DLC1: variants seen among roughly 807,000 people sequenced by gnomAD.
The protein encoded by DLC1 is DLC1 Rho GTPase activating protein.
DLC1 carries 54 observed loss-of-function variants against 140.3 expected under a neutral mutation model. The observed-to-expected ratio is 0.38, with a 90% CI of 0.31 to 0.48. The LOEUF (loss-of-function observed/expected upper bound fraction) is 0.48, where lower values mean the gene tolerates loss of function less well. Among genes scored for constraint, DLC1 ranks in the 20% least tolerant of loss-of-function variants. The pLI is 0.96. For synonymous variants in DLC1, 986 were observed against 728.1 expected (o/e 1.35, Z -5.70); for missense variants, 2,536 against 1,907.0 (o/e 1.33, Z -6.14).
At chr8:13,253,988 C>T (rs1370410944) in intron 5 of DLC1, among the ~76,000 whole-genome samples, 2 of 152,122 alleles carry the variant, frequency 1.3e-5, no homozygotes, top group African/African-American at 2.4e-5. Context: ...AATGTGGTCT[C>T]TTTTAATTGG....
intron 4 of DLC1, among the ~76,000 whole-genome samples, chr8:13,372,017 G>A (rs758538420): frequency 2.0e-5 from 3 of 152,158 alleles, no homozygotes; most frequent in Non-Finnish European, 4.4e-5. Context: ...TCTTGAAAAT[G>A]CATTCACCAA....
chr8:13,447,196 T>G (rs1306193294), intron 2 of DLC1, among the ~76,000 whole-genome samples: 1 of 152,246 alleles, frequency 6.6e-6, no homozygotes, highest in Non-Finnish European at 1.5e-5. Context: ...ATATAGTTAA[T>G]TTTTCTATGG....
intron 1 of DLC1, among the ~76,000 whole-genome samples, chr8:13,545,003 C>T (rs1237473255): frequency 1.3e-5 from 2 of 152,154 alleles, no homozygotes; most frequent in Non-Finnish European, 2.9e-5. Context: ...TGCAGTACTG[C>T]AGCCCTGTCC....
At chr8:13,104,160 A>T (rs905422973) in intron 7 of DLC1, among the ~76,000 whole-genome samples, 2 of 152,146 alleles carry the variant, frequency 1.3e-5, no homozygotes, top group Admixed American at 1.3e-4. Context: ...GCAAATGATC[A>T]TTTAAAGAAT....
intron 1 of DLC1, among the ~76,000 whole-genome samples, chr8:13,501,090 C>G (rs1289093157): frequency 6.6e-6 from 1 of 152,066 alleles, no homozygotes; most frequent in Non-Finnish European, 1.5e-5. Context: ...ATATTTTATG[C>G]AAGAATTCAA....
intron 7 of DLC1, among the ~76,000 whole-genome samples, chr8:13,110,170 G>C (rs1040616140): frequency 5.3e-5 from 8 of 152,034 alleles, no homozygotes; most frequent in Non-Finnish European, 1.0e-4. Flanking sequence ...AAACCTATAA[G>C]CTGCCTCTCA....
chr8:13,102,946 G>C, intron 7 of DLC1, 93 bp from the exon 8 acceptor site: 4 of 1,101,116 alleles, frequency 3.6e-6, no homozygotes, highest in Non-Finnish European at 5.4e-6. Context: ...TATATTTAAG[G>C]AGTTTCTTGA....
intron 5 of DLC1, among the ~76,000 whole-genome samples, chr8:13,242,624 C>G (rs1829589326): frequency 6.6e-6 from 1 of 152,062 alleles, no homozygotes; most frequent in African/African-American, 2.4e-5. Context: ...AACTCCTGGG[C>G]TCAAGCGATT....
intron 5 of DLC1, among the ~76,000 whole-genome samples, chr8:13,118,276 C>G (rs1489414120): frequency 6.6e-6 from 1 of 152,144 alleles, no homozygotes; most frequent in African/African-American, 2.4e-5. Context: ...CTTAGGGCCA[C>G]TTAGTTAGAA....
intron 4 of DLC1, among the ~76,000 whole-genome samples, chr8:13,374,262 G>A (rs1835861253): frequency 1.3e-5 from 2 of 152,034 alleles, no homozygotes. Context: ...CTTATCTTCT[G>A]ACAAAGGAGG....
At chr8:13,229,143 G>A (rs1389675116) in intron 5 of DLC1, among the ~76,000 whole-genome samples, 1 of 152,118 alleles carries the variant, frequency 6.6e-6, no homozygotes, top group Non-Finnish European at 1.5e-5. Context: ...GTTCATAGCA[G>A]CTTTCTTCAT....
chr8:13,180,527 T>G (rs911502784), intron 5 of DLC1, among the ~76,000 whole-genome samples: 3 of 152,152 alleles, frequency 2.0e-5, no homozygotes, highest in African/African-American at 7.2e-5. Context: ...AAGAAGCCAA[T>G]GTACAATAGA....
chr8:13,175,839 G>T (rs1208704279), intron 5 of DLC1, among the ~76,000 whole-genome samples: 2 of 152,144 alleles, frequency 1.3e-5, no homozygotes, highest in Non-Finnish European at 2.9e-5. Flanking sequence ...TCTCACCAAA[G>T]TGGAACTCCC....
intron 5 of DLC1, among the ~76,000 whole-genome samples, chr8:13,142,521 T>C (rs1823079860): frequency 6.6e-6 from 1 of 152,172 alleles, no homozygotes; most frequent in South Asian, 2.1e-4. Context: ...AATAAAAATC[T>C]AGCTATATAG....
intron 2 of DLC1, among the ~76,000 whole-genome samples, chr8:13,474,456 G>A (rs1355162745): frequency 6.6e-6 from 1 of 152,188 alleles, no homozygotes; most frequent in African/African-American, 2.4e-5. Context: ...GAACCCCCAA[G>A]TAGAGTCCCT....
At chr8:13,238,725 C>G (rs1274231267) in intron 5 of DLC1, among the ~76,000 whole-genome samples, 3 of 152,168 alleles carry the variant, frequency 2.0e-5, no homozygotes, top group Non-Finnish European at 2.9e-5. Context: ...GGGGCAGATC[C>G]TGCCCAGCTG....
At chr8:13,475,722 A>G (rs751940750) in intron 2 of DLC1, among the ~76,000 whole-genome samples, 1 of 152,202 alleles carries the variant, frequency 6.6e-6, no homozygotes, top group Non-Finnish European at 1.5e-5. Context: ...CCCTAGAAGA[A>G]CATACTAAGG....
chr8:13,399,007 G>C (rs1015475353), intron 3 of DLC1, among the ~76,000 whole-genome samples: 4 of 152,132 alleles, frequency 2.6e-5, no homozygotes, highest in Admixed American at 2.6e-4. Context: ...CTTGAAATGT[G>C]GGAGAAGATC....
chr8:13,334,848 A>G (rs971998193), intron 4 of DLC1, among the ~76,000 whole-genome samples: 1 of 152,222 alleles, frequency 6.6e-6, no homozygotes, highest in African/African-American at 2.4e-5. Context: ...TTATTTATCA[A>G]TGCCTATTAT....
Sources: gnomAD v4.1 joint callset for allele counts (sites outside exome capture counted in the v4.1 genomes callset) on GRCh38, gnomAD v4.1.1 for gene constraint, MANE v1.5 for transcripts, NCBI Gene and HGNC (gene_info 2026-07-23, HGNC 2026-07-21) for gene names.